Variants in GRHL3 observed in about 807,000 individuals in gnomAD.
The protein encoded by GRHL3 is grainyhead-like protein 3 homolog.
GRHL3 carries 20 observed loss-of-function variants against 70.3 expected under a neutral mutation model. The observed-to-expected ratio is 0.28, with a 90% CI of 0.20 to 0.41. GRHL3 has a LOEUF of 0.41. Ranked by LOEUF, GRHL3 falls within the 10% of genes least tolerant of loss-of-function variation. The probability of loss-of-function intolerance (pLI) is 1.00; values close to 1 mark genes in which losing one functional copy is unlikely to be tolerated. For synonymous variants in GRHL3, 299 were observed against 299.9 expected (o/e 1.00, Z 0.03); for missense variants, 637 against 762.3 (o/e 0.84, Z 1.94).
chr1:24,336,841 C>A lies in GRHL3; in HGVS notation c.612+14C>A. ...GACCCACAGGAGGTGAGGGCGCATC[C>A]CCGCTCCCCTATAGCATAGATATGT... On this transcript the variant is annotated intron_variant, in intron 4 of 15. Coordinates refer to ENST00000361548, the MANE Select transcript of GRHL3 (RefSeq NM_198173.3). The A allele has an allele frequency of 6.4e-7, 1 of 1,565,902 alleles. No individual in the cohort carries two copies. Among genetic ancestry groups the A allele is most frequent in the Non-Finnish European group, 8.7e-7 (1 of 1,145,922 alleles).
chr1:24,325,119 G>A (rs1480310993), intron 1 of GRHL3, among the ~76,000 whole-genome samples: 3 of 152,198 alleles, frequency 2.0e-5, no homozygotes, highest in African/African-American at 4.8e-5. Context: ...ATGAGGTTGG[G>A]TGGCTCATGG....
At chr1:24,362,200 A>G (rs954556208) in intron 15 of GRHL3, among the ~76,000 whole-genome samples, 3 of 152,166 alleles carry the variant, frequency 2.0e-5, no homozygotes, top group African/African-American at 7.2e-5. Flanking sequence ...TTAGCCAACA[A>G]CTTCTTAAAC....
At chr1:24,340,986 G>A (rs1640014369) in intron 8 of GRHL3, among the ~76,000 whole-genome samples, 1 of 152,120 alleles carries the variant, frequency 6.6e-6, no homozygotes, top group African/African-American at 2.4e-5. Context: ...GGGGAGGTAT[G>A]TCTGGCATGT....
chr1:24,343,396 C>T (rs547843790), intron 11 of GRHL3: 50 of 229,950 alleles, frequency 2.2e-4, no homozygotes, highest in Non-Finnish European at 3.6e-4. Flanking sequence ...GCATCACCGT[C>T]CTTACCCTTC....
Position 24,339,655 on chromosome 1 carries a change from C to T in GRHL3, c.953-13C>T, listed in dbSNP as rs747373884. 4 of 1,596,718 alleles carry T rather than the reference C, an allele frequency of 2.5e-6. No individual in the cohort carries two copies. The African/African-American group carries it at 4.0e-5, about 16-fold the overall frequency. On this transcript the variant is annotated splice_polypyrimidine_tract_variant and intron_variant, in intron 7 of 15. Coordinates refer to ENST00000361548, the MANE Select transcript of GRHL3 (RefSeq NM_198173.3). ...TCCTTCCTGATTCTCCTTCTGGTCT[C>T]CTGTGGTTTCAGCTGACTGCAAAGA...
rs1640061633 is a variant in GRHL3 at position 24,342,028 on chromosome 1, A to C, written c.1048-87A>C. 1.9e-5 allele frequency: 25 copies of C among 1,304,822 alleles called. 1 individual carries two copies. The South Asian group carries it at 3.9e-4, about 20-fold the overall frequency. The allele number at this position is 1,304,822 out of a possible 1,614,324, so 80.8% of individuals were successfully genotyped here. Reference sequence around the variant, plus strand: ...GCTTAAGGGTGAGCAGCAGGCACACAGAAAGCTAGAAATACAGGATCACTG... The same window carrying C: ...GCTTAAGGGTGAGCAGCAGGCACACCGAAAGCTAGAAATACAGGATCACTG... On this transcript the variant is annotated intron_variant, in intron 8 of 15. Transcript: ENST00000361548. This position sits in a 1 kb window ranked among gnomAD's most constrained non-coding sequence, Gnocchi z 4.8.
In GRHL3 at chr1:24,319,457, C is replaced by T; in HGVS notation, c.-95C>T. 1 of 1,314,394 alleles carries T rather than the reference C, an allele frequency of 7.6e-7. No individual in the cohort carries two copies. 81.4% of individuals were successfully genotyped at this position (1,314,394 alleles called of 1,614,324 possible). A position where few individuals can be genotyped will look rare whatever the true frequency, so the allele number is the denominator to read the frequency against. Reference sequence around the variant, plus strand: ...CCCAAACCTCAACATAAATCAAACACTTTCCCGGGCAGAGAATGTCTGTGT... The same window carrying T: ...CCCAAACCTCAACATAAATCAAACATTTTCCCGGGCAGAGAATGTCTGTGT... On this transcript the variant is annotated 5_prime_UTR_variant, in exon 1 of 16. Coordinates refer to ENST00000361548, the MANE Select transcript of GRHL3 (RefSeq NM_198173.3).
chr1:24,341,831 G>A (rs915163343), intron 8 of GRHL3, among the ~76,000 whole-genome samples: 10 of 152,198 alleles, frequency 6.6e-5, no homozygotes, highest in South Asian at 2.1e-4. Context: ...GCAGTCTAGC[G>A]GAAACTGTAC....
chr1:24,339,642 C>T, intron 7 of GRHL3, 26 bp from the exon 8 acceptor site: 4 of 1,549,472 alleles, frequency 2.6e-6, no homozygotes, highest in Non-Finnish European at 3.5e-6. Context: ...CTTCCTGATT[C>T]TCCTTCTGGT....
intron 11 of GRHL3, 64 bp downstream of exon 11, chr1:24,343,089 T>G: frequency 6.2e-7 from 1 of 1,601,812 alleles, no homozygotes; most frequent in Non-Finnish European, 8.5e-7. Context: ...AGGTGGGGCC[T>G]GCCTTAGCAC....
rs777787551 is a variant in GRHL3 at position 24,346,599 on chromosome 1, C to T, written c.1501C>T (p.Pro501Ser). 66 of 1,613,106 alleles carry T rather than the reference C, an allele frequency of 4.1e-5. No individual in the cohort carries two copies. Among genetic ancestry groups the T allele is most frequent in the South Asian group, 6.6e-5 (6 of 91,040 alleles). ...CTCGCCCTTCACTGAGGAGTTTGAG[C>T]CTCTGCCCTCCAAGCAGGCCAAGGA... ...TCSPFTEEFE[P>S]LPSKQAKEGD... Residue 501 changes from proline (P) to serine (S), a missense_variant, in exon 13 of 16, where the codon CCT (proline) becomes TCT (serine). Pro to Ser is a moderately conservative substitution (Grantham distance 74). This residue lies in a region of GRHL3 where 387 missense variants were observed against 513.8 expected (regional missense o/e 0.75). Coordinates refer to ENST00000361548, the MANE Select transcript of GRHL3 (RefSeq NM_198173.3).
chr1:24,339,615 TG>T, intron 7 of GRHL3, 52 bp from the exon 8 acceptor site: 1 of 1,290,600 alleles, frequency 7.7e-7, no homozygotes, highest in South Asian at 1.3e-5. Context: ...CCTCCTCAAG[TG>T]GTCCCAGATC....
At chr1:24,364,302 G>A in exon 16 of GRHL3, 2 of 1,549,906 alleles carry the variant, frequency 1.3e-6, no homozygotes, top group South Asian at 2.4e-5. Flanking sequence ...TTTGGAGGCA[G>A]AGGGACCTGG....
At chr1:24,358,604 T>C (rs1450124189), downstream of GRHL3, 1 of 1,613,916 alleles carries the variant, frequency 6.2e-7, no homozygotes, top group Non-Finnish European at 8.5e-7. Context: ...TCCTGGAAGC[T>C]CTGGCTTGTA....
At position 24,346,492 on chromosome 1, in the gene GRHL3, G is replaced by A. The variant is rs1217552400; in HGVS notation, c.1455-61G>A. ...CTAGGGCCCCTGGAGGCCCAGCAGG[G>A]TCCTTGAGCCTCTAGGGGTCCCCAA... On this transcript the variant is annotated intron_variant, in intron 12 of 15. Coordinates refer to ENST00000361548, the MANE Select transcript of GRHL3 (RefSeq NM_198173.3). 2.1e-5 allele frequency: 25 copies of A among 1,167,390 alleles called. No individual in the cohort carries two copies. The East Asian group carries it at 5.2e-4, about 24-fold the overall frequency. 72.3% of individuals were successfully genotyped at this position (1,167,390 alleles called of 1,614,324 possible).
rs139636441 is a variant in GRHL3 at position 24,324,574 on chromosome 1, C to T, written c.17+5006C>T. Among the ~76,000 whole-genome samples the T allele has an allele frequency of 1.7e-4, 26 of 152,356 alleles. No homozygotes were observed. In the East Asian group the frequency reaches 3.7e-3, roughly 21 times the overall value. On this transcript the variant is annotated intron_variant, in intron 1 of 15. Transcript: ENST00000361548. ...ATTGCATCTTCCAACAGTAATACTTCACAAAGTTGTAAAAAACAAAGACAA... is the reference window on the plus strand; with the variant it reads ...ATTGCATCTTCCAACAGTAATACTTTACAAAGTTGTAAAAAACAAAGACAA...
At chr1:24,328,458 C>A (rs894915720) in intron 1 of GRHL3, among the ~76,000 whole-genome samples, 16 of 152,240 alleles carry the variant, frequency 1.1e-4, no homozygotes, top group African/African-American at 3.4e-4. Flanking sequence ...GGGATACCAA[C>A]AAGATAGATT....
At chr1:24,362,835 C>G (rs1641211285) in intron 15 of GRHL3, among the ~76,000 whole-genome samples, 1 of 152,176 alleles carries the variant, frequency 6.6e-6, no homozygotes, top group South Asian at 2.1e-4. Flanking sequence ...ATATTTAGAA[C>G]AAAGGTACCC....
Position 24,336,475 on chromosome 1 carries a change from TC to T in GRHL3, c.267-3del. On this transcript the variant is annotated splice_polypyrimidine_tract_variant and splice_region_variant and intron_variant, in intron 3 of 15. Transcript: ENST00000361548. ...AAGTACACTCAGCCCCTTTTCTTTC[TC>T]CCCAGGTACTACCATGGCATGGAAT... 1 of 1,545,002 alleles carries T rather than the reference TC, an allele frequency of 6.5e-7. No individual in the cohort carries two copies. Among genetic ancestry groups the T allele is most frequent in the Non-Finnish European group, 8.8e-7 (1 of 1,141,618 alleles).
Sources: allele counts gnomAD v4.1 joint callset (sites outside exome capture counted in the v4.1 genomes callset), GRCh38; gene constraint gnomAD v4.1.1; regional missense constraint gnomAD v4.1.1; non-coding constraint Gnocchi (gnomAD v3.1); transcripts MANE v1.5; gene names NCBI Gene and HGNC (gene_info 2026-07-23, HGNC 2026-07-21).